The following HAUS8 variants were observed in gnomAD, a reference collection of about 807,000 sequenced individuals.
The protein encoded by HAUS8 is HAUS augmin like complex subunit 8, also known as HAUS augmin-like complex subunit 8.
HAUS8 carries 38 observed loss-of-function variants against 42.9 expected under a neutral mutation model. That is an observed-to-expected ratio of 0.89 (90% CI 0.68 to 1.16). The LOEUF is 1.16. Ranked by LOEUF, HAUS8 falls within the 50% of genes most tolerant of loss-of-function variation. The pLI, the probability that HAUS8 is intolerant of heterozygous loss-of-function variation, is 0.00. For synonymous variants in HAUS8, 199 were observed against 205.8 expected (o/e 0.97, Z 0.28); for missense variants, 494 against 511.6 (o/e 0.97, Z 0.33).
At chr19:17,061,506 G>C (rs2057360749) in intron 4 of HAUS8, among the ~76,000 whole-genome samples, 2 of 152,078 alleles carry the variant, frequency 1.3e-5, no homozygotes, top group Admixed American at 6.6e-5. Flanking sequence ...TATAGCATTT[G>C]CACTAAAAAA....
At chr19:17,073,620 C>A (rs2057442051) in intron 1 of HAUS8, 1 of 447,618 alleles carries the variant, frequency 2.2e-6, no homozygotes, top group African/African-American at 2.0e-5. Flanking sequence ...TCCCTGGGTT[C>A]ATTCATTCAC....
chr19:17,069,343 C>T (rs1430119794), intron 2 of HAUS8, among the ~76,000 whole-genome samples: 2 of 151,954 alleles, frequency 1.3e-5, no homozygotes, highest in African/African-American at 4.8e-5. Flanking sequence ...GATCAAGGAA[C>T]ACCCTCCAAG....
chr19:17,050,854 G>A (rs552792416), intron 10 of HAUS8, among the ~76,000 whole-genome samples: 56 of 151,814 alleles, frequency 3.7e-4, no homozygotes, highest in Non-Finnish European at 5.6e-4. Flanking sequence ...CGAGGATCGC[G>A]CCACTGGCAC....
At position 17,060,242 on chromosome 19, in the gene HAUS8, A is replaced by C. The variant is rs1388142086; in HGVS notation, c.230-150T>G. ...GGAAAGGCTAAAAAAAAAAAAAAAA[A>C]AAAAACCTGTGGAAATTCCCAGCCA... On this transcript the variant is annotated intron_variant, in intron 4 of 10. Transcript: ENST00000253669. 3.1e-5 allele frequency: 17 copies of C among 548,738 alleles called. No individual in the cohort carries two copies. In the South Asian group the frequency reaches 4.2e-4, roughly 14 times the overall value. 34.0% of individuals were successfully genotyped at this position (548,738 alleles called of 1,614,324 possible). A position where few individuals can be genotyped will look rare whatever the true frequency, so the allele number is the denominator to read the frequency against.
chr19:17,073,615 G>T, intron 1 of HAUS8: 1 of 461,726 alleles, frequency 2.2e-6, no homozygotes, highest in Non-Finnish European at 4.0e-6. Context: ...AATTATCCCT[G>T]GGTTCATTCA....
chr19:17,071,982 T>C (rs149827992), intron 2 of HAUS8, among the ~76,000 whole-genome samples: 1 of 152,068 alleles, frequency 6.6e-6, no homozygotes, highest in Non-Finnish European at 1.5e-5. Flanking sequence ...CGAGACTCCA[T>C]CTCAAAAAAA....
chr19:17,072,717 T>C (rs2057435138), intron 2 of HAUS8, among the ~76,000 whole-genome samples: 1 of 151,882 alleles, frequency 6.6e-6, no homozygotes, highest in Non-Finnish European at 1.5e-5. Context: ...GGTGCGATCT[T>C]GGCTCGTGGG....
rs937587585 is a variant in HAUS8, at chr19:17,073,254, G to A, written c.91+20C>T. The A allele has an allele frequency of 5.0e-6, 8 of 1,604,094 alleles. No homozygotes were observed. Among genetic ancestry groups the A allele is most frequent in the Non-Finnish European group, 6.8e-6 (8 of 1,171,016 alleles). On this transcript the variant is annotated intron_variant, in intron 2 of 10. Transcript: ENST00000253669. ...AAAGAAGAAAACCATGTTCCTTAAA[G>A]AGATCCTGACACTGCTTACCTTGAA...
Position 17,049,909 on chromosome 19 carries a change from C to T in HAUS8, c.1197G>A (p.Pro399=), listed in dbSNP as rs565806503. ...DFSSSSQAEV[P]PSLSRSGRDL... is the part of the protein sequence containing the mutation. Reference sequence around the variant, plus strand: ...CCCTCCCTGAACGAGAGAGAGAGGGCGGGACTTCTGCCTGGCTGCTTGAAG... The same window carrying T: ...CCCTCCCTGAACGAGAGAGAGAGGGTGGGACTTCTGCCTGGCTGCTTGAAG... Residue 399 remains proline (P), a synonymous_variant, in exon 11 of 11, where the codon CCG becomes CCA. Coordinates refer to ENST00000253669, the MANE Select transcript of HAUS8 (RefSeq NM_033417.2). 30 of 1,523,606 alleles carry T rather than the reference C, an allele frequency of 2.0e-5. No homozygotes were observed. Among genetic ancestry groups the T allele is most frequent in the Non-Finnish European group, 2.3e-5 (26 of 1,134,414 alleles). 94.4% of individuals were successfully genotyped at this position (1,523,606 alleles called of 1,614,324 possible).
intron 8 of HAUS8, among the ~76,000 whole-genome samples, chr19:17,058,249 G>A (rs2057337645): frequency 6.6e-6 from 1 of 152,226 alleles, no homozygotes; most frequent in Non-Finnish European, 1.5e-5. Context: ...CCCTGCAGGG[G>A]AGTCCCAGAG....
intron 4 of HAUS8, among the ~76,000 whole-genome samples, chr19:17,060,895 G>A (rs995112854): frequency 2.6e-5 from 4 of 152,166 alleles, no homozygotes; most frequent in African/African-American, 7.2e-5. Context: ...CAGATGGCAC[G>A]TACGGTATGT....
At chr19:17,073,498 G>A (rs916875290) in intron 1 of HAUS8, 163 bp from the exon 2 acceptor site, 2 of 691,722 alleles carry the variant, frequency 2.9e-6, no homozygotes, top group African/African-American at 1.8e-5. Flanking sequence ...AGGGACACAA[G>A]GAGCAGCCAG....
intron 3 of HAUS8, among the ~76,000 whole-genome samples, chr19:17,065,860 T>C (rs1471998598): frequency 2.0e-5 from 3 of 150,754 alleles, no homozygotes; most frequent in Non-Finnish European, 4.4e-5. Context: ...TGGAGAGACT[T>C]CAGATCAGAT....
At chr19:17,059,485 C>T (rs1404038514) in intron 6 of HAUS8, 72 bp downstream of exon 6, 1 of 1,066,192 alleles carries the variant, frequency 9.4e-7, no homozygotes, top group South Asian at 1.3e-5. Flanking sequence ...CACTCAGCAT[C>T]TGGTTCAGAG....
chr19:17,065,077 A>C (rs1436308464), intron 3 of HAUS8, among the ~76,000 whole-genome samples: 1 of 152,256 alleles, frequency 6.6e-6, no homozygotes, highest in Non-Finnish European at 1.5e-5. Flanking sequence ...AATGGCAAAT[A>C]AGCACATGAA....
chr19:17,073,523 G>A (rs1179461035), intron 1 of HAUS8, 188 bp from the exon 2 acceptor site: 4 of 626,300 alleles, frequency 6.4e-6, no homozygotes, highest in African/African-American at 3.7e-5. Flanking sequence ...GGTCACCTGG[G>A]CAAGAAGGCA....
chr19:17,074,016 A>T (rs1599997419), intron 1 of HAUS8: 1 of 59,602 alleles, frequency 1.7e-5, no homozygotes, highest in Non-Finnish European at 3.6e-5. Flanking sequence ...TAAATAAATA[A>T]AAATAAAAAT....
intron 8 of HAUS8, among the ~76,000 whole-genome samples, chr19:17,056,719 T>C (rs1342409152): frequency 6.6e-6 from 1 of 152,122 alleles, no homozygotes; most frequent in African/African-American, 2.4e-5. Flanking sequence ...GTCTCCCAAG[T>C]AGCTGGGTTA....
At chr19:17,051,343 G>T (rs996141681) in intron 10 of HAUS8, among the ~76,000 whole-genome samples, 2 of 151,782 alleles carry the variant, frequency 1.3e-5, no homozygotes, top group African/African-American at 4.8e-5. Flanking sequence ...TACTCTACTG[G>T]AAGAGGTGGA....
Sources: allele counts gnomAD v4.1 joint callset (sites outside exome capture counted in the v4.1 genomes callset), GRCh38; gene constraint gnomAD v4.1.1; transcripts MANE v1.5; gene names NCBI Gene and HGNC (gene_info 2026-07-23, HGNC 2026-07-21).